VRK3: variants seen among roughly 807,000 people sequenced by gnomAD.
The protein encoded by VRK3 is serine/threonine-protein kinase VRK3.
Under a neutral mutation model 60.4 loss-of-function variants are expected in VRK3, and 50 were observed. The observed-to-expected ratio is 0.83, with a 90% CI of 0.66 to 1.05. The LOEUF (loss-of-function observed/expected upper bound fraction) is 1.05. Ranked by LOEUF, VRK3 falls within the 50% of genes least tolerant of loss-of-function variation. VRK3 has a pLI of 0.00. For missense variants in VRK3, 549 were observed against 585.3 expected, an observed-to-expected ratio of 0.94 and a Z score of 0.64; for synonymous variants, 246 against 227.8, an observed-to-expected ratio of 1.08 and a Z score of -0.72.
At chr19:49,980,235 AGACAGTGC>A (rs1305634017) in intron 13 of VRK3, among the ~76,000 whole-genome samples, 1 of 152,090 alleles carries the variant, frequency 6.6e-6, no homozygotes, top group Non-Finnish European at 1.5e-5. Flanking sequence ...CACCCCAACA[AGACAGTGC>A]AAATACCCAG....
intron 3 of VRK3, among the ~76,000 whole-genome samples, chr19:50,010,241 ATT>A (rs2076973022): frequency 6.6e-6 from 1 of 151,962 alleles, no homozygotes; most frequent in Non-Finnish European, 1.5e-5. Flanking sequence ...TATACTTTCA[ATT>A]TGTTATTTTA....
At chr19:49,977,060 G>A (rs1038859782) in intron 14 of VRK3, among the ~76,000 whole-genome samples, 11 of 152,290 alleles carry the variant, frequency 7.2e-5, no homozygotes, top group Admixed American at 5.9e-4. Context: ...GGGAGGCAGT[G>A]AGGATGCCTC....
intron 11 of VRK3, 144 bp from the exon 12 acceptor site, chr19:49,988,636 C>T (rs1306736744): frequency 4.6e-5 from 52 of 1,134,036 alleles, no homozygotes; most frequent in African/African-American, 6.3e-5. Flanking sequence ...CTGTCTCCTC[C>T]GCTCATTCAC....
chr19:50,018,169 A>G (rs1038300985), intron 2 of VRK3, among the ~76,000 whole-genome samples: 1 of 152,210 alleles, frequency 6.6e-6, no homozygotes, highest in Non-Finnish European at 1.5e-5. Flanking sequence ...CCCAGCTCCT[A>G]TCTGATAGAA....
At chr19:49,993,238 A>G (rs2076642752) in intron 9 of VRK3, among the ~76,000 whole-genome samples, 1 of 152,310 alleles carries the variant, frequency 6.6e-6, no homozygotes, top group South Asian at 2.1e-4. Flanking sequence ...GCAGAGGGAA[A>G]AGGGGTTAAT....
intron 3 of VRK3, among the ~76,000 whole-genome samples, chr19:50,013,752 C>T (rs1424568509): frequency 1.3e-5 from 2 of 152,156 alleles, no homozygotes; most frequent in Non-Finnish European, 2.9e-5. Context: ...GTTACAAAAC[C>T]ACAATCAACA....
At chr19:49,986,235 C>G (rs1484383587) in intron 12 of VRK3, 1 of 152,294 alleles carries the variant, frequency 6.6e-6, no homozygotes, top group African/African-American at 2.4e-5. Flanking sequence ...AAGTAGTGAA[C>G]TAGGTGTATA....
intron 1 of VRK3, among the ~76,000 whole-genome samples, chr19:50,021,123 A>G (rs570221765): frequency 6.6e-6 from 1 of 152,336 alleles, no homozygotes; most frequent in African/African-American, 2.4e-5. Context: ...ACAACTTTCT[A>G]TGCATTATCC....
chr19:49,980,296 G>A (rs1330515726), intron 13 of VRK3, among the ~76,000 whole-genome samples: 3 of 152,140 alleles, frequency 2.0e-5, no homozygotes, highest in African/African-American at 7.2e-5. Context: ...GACAAACCAT[G>A]ACCATTGTGC....
In VRK3 at chr19:50,011,714, T is replaced by C. The variant is rs199500715; in HGVS notation, c.140-2329A>G. 1.5e-4 allele frequency among the ~76,000 whole-genome samples: 22 copies of C among 150,700 alleles called. No individual in the cohort carries two copies. In the East Asian group the frequency reaches 3.9e-3, roughly 27 times the overall value. On this transcript the variant is annotated intron_variant, in intron 3 of 14. Transcript: ENST00000316763. ...CTGCCTGTCTTCCCCCAGGCGGAAA[T>C]GTTCCTCACTCCTCCAGTGTGTAGT...
At chr19:49,996,699 C>T (rs1434643757) in intron 7 of VRK3, among the ~76,000 whole-genome samples, 1 of 152,180 alleles carries the variant, frequency 6.6e-6, no homozygotes, top group Non-Finnish European at 1.5e-5. Context: ...TCACTGCAAC[C>T]TCCACCTTCC....
At chr19:49,980,671 C>T (rs527286995) in intron 13 of VRK3, among the ~76,000 whole-genome samples, 2 of 151,658 alleles carry the variant, frequency 1.3e-5, no homozygotes, top group Non-Finnish European at 2.9e-5. Flanking sequence ...AAGCTGAGAT[C>T]GTACCATTGC....
intron 9 of VRK3, among the ~76,000 whole-genome samples, chr19:49,993,485 A>T (rs1446098148): frequency 1.3e-5 from 2 of 151,890 alleles, no homozygotes; most frequent in East Asian, 3.9e-4. Context: ...TGTAGCCTTG[A>T]TTTCCCAAGC....
chr19:49,981,917 CAGG>C (rs2076429589), intron 12 of VRK3: 1 of 830,226 alleles, frequency 1.2e-6, no homozygotes, highest in Non-Finnish European at 1.8e-6. Flanking sequence ...GGCTCGACTT[CAGG>C]AGGTCATGCT....
intron 3 of VRK3, among the ~76,000 whole-genome samples, chr19:50,010,025 A>G (rs2076966991): frequency 6.6e-6 from 1 of 151,694 alleles, no homozygotes; most frequent in Non-Finnish European, 1.5e-5. Context: ...CCACCCACCG[A>G]GTTTCTGATT....
chr19:49,988,529 G>C (rs1392605814), intron 11 of VRK3, 37 bp from the exon 12 acceptor site: 3 of 1,604,440 alleles, frequency 1.9e-6, no homozygotes, highest in South Asian at 1.1e-5. Context: ...GCTCAAGTCT[G>C]GACGCTCCAC....
intron 3 of VRK3, among the ~76,000 whole-genome samples, chr19:50,010,409 C>T (rs1487574592): frequency 6.6e-6 from 1 of 152,210 alleles, no homozygotes; most frequent in Non-Finnish European, 1.5e-5. Flanking sequence ...GAGACTGGTA[C>T]TCATGATCCT....
At chr19:50,008,383 A>AGAC (rs1255839954) in intron 4 of VRK3, among the ~76,000 whole-genome samples, 2 of 152,198 alleles carry the variant, frequency 1.3e-5, no homozygotes, top group African/African-American at 4.8e-5. Context: ...GACACAGGAA[A>AGAC]AGACATCGCT....
chr19:50,017,558 G>C (rs1165845801), intron 2 of VRK3, among the ~76,000 whole-genome samples: 1 of 84,388 alleles, frequency 1.2e-5, no homozygotes, highest in Non-Finnish European at 2.1e-5. Flanking sequence ...TGGGTAACAA[G>C]AGTGAAACTC....
Sources: gnomAD v4.1 joint callset for allele counts (sites outside exome capture counted in the v4.1 genomes callset) on GRCh38, gnomAD v4.1.1 for gene constraint, MANE v1.5 for transcripts, NCBI Gene and HGNC (gene_info 2026-07-23, HGNC 2026-07-21) for gene names.